GTPBP6: variants seen among roughly 807,000 people sequenced by gnomAD.
GTPBP6 encodes the protein GTP binding protein 6, also known as putative GTP-binding protein 6.
In GTPBP6, 33 loss-of-function variants were observed where a neutral mutation model predicts 28.9. The observed-to-expected ratio is 1.14, with a 90% CI of 0.87 to 1.53. The LOEUF is 1.53. GTPBP6 is among the 40% of genes most tolerant of loss of function. The probability of loss-of-function intolerance (pLI) is 0.00; values close to 1 mark genes in which losing one functional copy is unlikely to be tolerated. For synonymous variants in GTPBP6, 231 were observed against 192.7 expected, an observed-to-expected ratio of 1.20 and a Z score of -1.65; for missense variants, 507 against 408.3, an observed-to-expected ratio of 1.24 and a Z score of -2.08.
intron 7 of GTPBP6, among the ~76,000 whole-genome samples, chrX:309,280 C>T (rs2070236308): frequency 6.6e-6 from 1 of 152,126 alleles, no homozygotes; most frequent in Non-Finnish European, 1.5e-5. Context: ...GCAGCTCACT[C>T]AGCACCCTAC....
At chrX:307,705 G>A (rs1250657969) in intron 8 of GTPBP6, 27 bp downstream of exon 8, 31 of 1,460,376 alleles carry the variant, frequency 2.1e-5, no homozygotes, top group East Asian at 2.0e-4. Context: ...GGAAGGAGAC[G>A]CTTGCGGACC....
chrX:314,613 C>T (rs2070392869), intron 4 of GTPBP6, among the ~76,000 whole-genome samples: 1 of 152,034 alleles, frequency 6.6e-6, no homozygotes, highest in Admixed American at 6.5e-5. Context: ...GCTGGGATTT[C>T]AGGCGCCCGC....
intron 9 of GTPBP6, among the ~76,000 whole-genome samples, chrX:305,845 C>T (rs1165067684): frequency 1.2e-4 from 18 of 152,220 alleles, no homozygotes; most frequent in African/African-American, 3.9e-4. Context: ...AGGCTGGTCT[C>T]GATCTCCTGA....
At chrX:308,733 T>C (rs1216001576) in intron 7 of GTPBP6, among the ~76,000 whole-genome samples, 1 of 43,844 alleles carries the variant, frequency 2.3e-5, no homozygotes, top group Non-Finnish European at 3.6e-5. Flanking sequence ...AAAGTTTTAC[T>C]TTTTTTTTTT....
rs745832438 is a variant in GTPBP6, at chrX:312,838, T to A, written c.844A>T (p.Arg282Trp). 1.7e-5 allele frequency: 28 copies of A among 1,612,854 alleles called. No homozygotes were observed. In the South Asian group the frequency reaches 3.0e-4, roughly 17 times the overall value. ...GTCCGCTGCCGGCGGAGCAGGTGCC[T>A]CTTCTTGCGAAGCCTGTCCAAGGCC... The change falls in exon 6 of 10, where the codon AGG becomes TGG. Residue 282 changes from arginine to tryptophan, a missense_variant. Physicochemically the swap from Arg to Trp is moderately radical, Grantham distance 101. Coordinates refer to ENST00000326153, the Ensembl canonical transcript of GTPBP6.
At chrX:313,772 T>G (rs2070365080) in intron 5 of GTPBP6, among the ~76,000 whole-genome samples, 1 of 152,082 alleles carries the variant, frequency 6.6e-6, no homozygotes, top group African/African-American at 2.4e-5. Flanking sequence ...CCCCAGGAGC[T>G]GGGAGAGGCA....
chrX:311,375 G>T, intron 7 of GTPBP6, 44 bp downstream of exon 7: 2 of 1,415,194 alleles, frequency 1.4e-6, no homozygotes. Context: ...CCCCCGTGCC[G>T]AATGGGTGTC....
chrX:311,477 T>C (rs1351649373), exon 7 of GTPBP6: 1 of 1,596,220 alleles, frequency 6.3e-7, no homozygotes, highest in Non-Finnish European at 8.5e-7. Flanking sequence ...GTGCGGCAGC[T>C]GGGAGAGGAA....
At chrX:311,576 C>T (rs774751907) in exon 7 of GTPBP6, 13 of 1,612,280 alleles carry the variant, frequency 8.1e-6, no homozygotes, top group East Asian at 2.2e-5. Context: ...CAGCTGGTCC[C>T]GTGGCTGGAT....
intron 4 of GTPBP6, among the ~76,000 whole-genome samples, chrX:314,536 G>T (rs753961977): frequency 6.6e-6 from 1 of 151,448 alleles, no homozygotes; most frequent in African/African-American, 2.4e-5. Context: ...GCAGTGGCGT[G>T]ATCTCGGCTC....
In GTPBP6 at chrX:312,938, G is replaced by C. The variant is rs765351875; in HGVS notation, c.758-14C>G. The C allele has an allele frequency of 6.9e-6, 11 of 1,605,424 alleles. No homozygotes were observed. The highest frequency in any genetic ancestry group is 1.7e-5 in the Admixed American group (1 of 59,578). On this transcript the variant is annotated splice_polypyrimidine_tract_variant and intron_variant, in intron 5 of 9. Coordinates refer to ENST00000326153, the Ensembl canonical transcript of GTPBP6. ...TGAAGGATTCTCCTAAAAGACACCC[G>C]AGATGGTGAGGCGGTGAGCCACGCC... is the stretch of plus-strand genomic sequence containing the variant.
chrX:305,286 T>C, intron 9 of GTPBP6, 89 bp from the exon 10 acceptor site: 1 of 1,055,088 alleles, frequency 9.5e-7, no homozygotes, highest in Non-Finnish European at 1.5e-6. Context: ...AAAAAGAGCT[T>C]AGCTCAAACC....
chrX:318,292 A>C (rs1294484433), intron 1 of GTPBP6, 147 bp downstream of exon 1: 18 of 317,628 alleles, frequency 5.7e-5, no homozygotes, highest in African/African-American at 1.8e-4. Flanking sequence ...GATTCTCCCC[A>C]CAGAACCCCG....
At chrX:307,434 G>T (rs200210181) in exon 9 of GTPBP6, 2 of 1,612,366 alleles carry the variant, frequency 1.2e-6, no homozygotes. Flanking sequence ...CCGCCGCATC[G>T]AGCTCAGCTT....
chrX:307,317 A>T, intron 9 of GTPBP6, 43 bp downstream of exon 9: 2 of 1,594,128 alleles, frequency 1.3e-6, no homozygotes, highest in Non-Finnish European at 1.7e-6. Flanking sequence ...AGAGACAGGC[A>T]TCCAAAGCAC....
intron 1 of GTPBP6, among the ~76,000 whole-genome samples, chrX:318,201 T>A (rs1393272910): frequency 6.8e-6 from 1 of 147,932 alleles, no homozygotes; most frequent in Non-Finnish European, 1.5e-5. Flanking sequence ...TCGCCAGCTA[T>A]GATTCTCCCG....
rs959074496 is a variant in GTPBP6, at chrX:311,185, TTGGG to T, written c.1125+230_1125+233del. Among the ~76,000 whole-genome samples, 15 of 60,784 alleles carry T rather than the reference TTGGG, an allele frequency of 2.5e-4. 1 individual carries two copies. The highest frequency in any genetic ancestry group is 6.7e-4 in the Admixed American group (3 of 4,486). The allele number at this position is 60,784 out of a possible 152,430, so 39.9% of individuals were successfully genotyped here. On this transcript the variant is annotated intron_variant, in intron 7 of 9. Coordinates refer to ENST00000326153, the Ensembl canonical transcript of GTPBP6. ...AGGCAGTTGTTGTTCCGGCCCCGAGTTGGGTGGGTGTCTGAGGGCCCGGCCCCTG... is the reference window on the plus strand; with the variant it reads ...AGGCAGTTGTTGTTCCGGCCCCGAGTTGGGTGTCTGAGGGCCCGGCCCCTG...
At chrX:312,588 TCA>T in intron 6 of GTPBP6, 176 bp downstream of exon 6, 1 of 731,750 alleles carries the variant, frequency 1.4e-6, no homozygotes, top group Non-Finnish European at 2.4e-6. Context: ...GGGTGAGCTC[TCA>T]CAGCAGCTGG....
At chrX:316,420 A>AC (rs1177020973) in intron 2 of GTPBP6, among the ~76,000 whole-genome samples, 5 of 151,836 alleles carry the variant, frequency 3.3e-5, no homozygotes, top group Non-Finnish European at 5.9e-5. Flanking sequence ...AGGAAAGCTG[A>AC]CCCCCACCTG....
Sources: allele counts gnomAD v4.1 joint callset (sites outside exome capture counted in the v4.1 genomes callset), GRCh38; gene constraint gnomAD v4.1.1; transcripts MANE v1.5; gene names NCBI Gene and HGNC (gene_info 2026-07-23, HGNC 2026-07-21).